KIR3DL1: variants seen among roughly 807,000 people sequenced by gnomAD.
KIR3DL1 encodes killer cell immunoglobulin like receptor, three Ig domains and long cytoplasmic tail 1, also known as killer cell immunoglobulin-like receptor 3DL1.
Under a neutral mutation model 40.3 loss-of-function variants are expected in KIR3DL1, and 50 were observed. The ratio of observed to expected loss-of-function variants is 1.24; its 90% confidence interval spans 0.99 to 1.57. The LOEUF (loss-of-function observed/expected upper bound fraction) is 1.57. Ranked by LOEUF, KIR3DL1 falls within the 40% of genes most tolerant of loss-of-function variation. The pLI, the probability that KIR3DL1 is intolerant of heterozygous loss-of-function variation, is 0.00. For missense variants in KIR3DL1, 661 were observed against 559.9 expected (o/e 1.18, Z -1.82); for synonymous variants, 257 against 207.2 (o/e 1.24, Z -2.07).
At chr19:54,829,113 G>A (rs1052920220) in intron 6 of KIR3DL1, among the ~76,000 whole-genome samples, 2 of 144,692 alleles carry the variant, frequency 1.4e-5, no homozygotes, top group Non-Finnish European at 3.0e-5. Flanking sequence ...CCACACTGGG[G>A]GTTAAATTTC....
intron 6 of KIR3DL1, among the ~76,000 whole-genome samples, chr19:54,826,666 T>C (rs1601410280): frequency 1.3e-5 from 2 of 148,294 alleles, no homozygotes; most frequent in South Asian, 4.4e-4. Flanking sequence ...TAATTTTGGG[T>C]GACAGAGAAG....
chr19:54,828,788 T>C (rs1178659793), intron 6 of KIR3DL1, among the ~76,000 whole-genome samples: 3 of 105,626 alleles, frequency 2.8e-5, no homozygotes, highest in Non-Finnish European at 4.4e-5. Context: ...AAAGAAGAGA[T>C]TGGTTTGCCT....
At chr19:54,825,149 G>A in intron 6 of KIR3DL1, 71 bp downstream of exon 6, 1 of 969,362 alleles carries the variant, frequency 1.0e-6, no homozygotes, top group South Asian at 1.3e-5. Context: ...TGCAAGTGTT[G>A]GCTCAAACCT....
At chr19:54,818,399 G>A (rs144994606) in exon 3 of KIR3DL1, 318,098 of 1,605,320 alleles carry the variant, frequency 0.2, 37,072 homozygotes, top group Non-Finnish European at 0.22. Flanking sequence ...TGTCACTATC[G>A]TCATAGGTTT....
At chr19:54,823,578 A>C (rs1187824158) in intron 5 of KIR3DL1, among the ~76,000 whole-genome samples, 1 of 151,040 alleles carries the variant, frequency 6.6e-6, no homozygotes, top group African/African-American at 2.4e-5. Context: ...GCTCACTGCA[A>C]CCTCCGCCTC....
At chr19:54,826,306 A>C (rs1182858984) in intron 6 of KIR3DL1, among the ~76,000 whole-genome samples, 1 of 150,128 alleles carries the variant, frequency 6.7e-6, no homozygotes, top group Non-Finnish European at 1.5e-5. Flanking sequence ...CATGAAATCT[A>C]TTTGTTTGTT....
At chr19:54,827,123 G>A (rs1360871187) in intron 6 of KIR3DL1, among the ~76,000 whole-genome samples, 10 of 151,526 alleles carry the variant, frequency 6.6e-5, no homozygotes, top group Non-Finnish European at 1.5e-4. Flanking sequence ...TATAAGCTAT[G>A]TTTGGGAGGT....
At position 54,818,302 on chromosome 19, in the gene KIR3DL1, CCTT is replaced by C. The variant is rs2061451222; in HGVS notation, c.71-10_71-8del. ...CATCCTCCTCTCTAAGGCAGTGCCT[CCTT>C]CTCCCCCAGGTGGTCAGGACAAACC... On this transcript the variant is annotated splice_polypyrimidine_tract_variant and intron_variant, in intron 2 of 8. Coordinates refer to ENST00000391728, the Ensembl canonical transcript of KIR3DL1. 1 of 1,593,886 alleles carries C rather than the reference CCTT, an allele frequency of 6.3e-7. No individual in the cohort carries two copies. Among genetic ancestry groups the C allele is most frequent in the Non-Finnish European group, 8.5e-7 (1 of 1,170,408 alleles).
At chr19:54,817,885 C>G (rs2061428869) in intron 2 of KIR3DL1, among the ~76,000 whole-genome samples, 1 of 147,312 alleles carries the variant, frequency 6.8e-6, no homozygotes, top group South Asian at 2.2e-4. Context: ...CTCACACCCT[C>G]CAGCGTTTCC....
At chr19:54,823,557 G>T (rs1363447173) in intron 5 of KIR3DL1, among the ~76,000 whole-genome samples, 2 of 151,274 alleles carry the variant, frequency 1.3e-5, no homozygotes, top group African/African-American at 2.4e-5. Flanking sequence ...GAGTGCAAGG[G>T]TGTGATCTCA....
chr19:54,818,336 T>G, exon 3 of KIR3DL1: 1 of 1,603,284 alleles, frequency 6.2e-7, no homozygotes, highest in Non-Finnish European at 8.5e-7. Flanking sequence ...AAACCCTTCC[T>G]GTCTGCCTGG....
chr19:54,819,668 A>G, intron 3 of KIR3DL1, 45 bp from the exon 4 acceptor site: 1 of 1,579,522 alleles, frequency 6.3e-7, no homozygotes, highest in Non-Finnish European at 8.6e-7. Context: ...CATGGATGGG[A>G]TGATAAAGAG....
chr19:54,818,587 A>T, exon 3 of KIR3DL1: 1 of 1,610,044 alleles, frequency 6.2e-7, no homozygotes, highest in Non-Finnish European at 8.5e-7. Context: ...CCCCGTGGTG[A>T]TCATGGTCAC....
At chr19:54,827,646 A>C (rs2061973093) in intron 6 of KIR3DL1, among the ~76,000 whole-genome samples, 1 of 150,516 alleles carries the variant, frequency 6.6e-6, no homozygotes, top group South Asian at 2.1e-4. Flanking sequence ...CATAAATATA[A>C]TAAAACACAC....
chr19:54,821,891 T>C (rs2061660624), intron 5 of KIR3DL1, 33 bp downstream of exon 5: 2 of 1,585,948 alleles, frequency 1.3e-6, no homozygotes, highest in African/African-American at 2.7e-5. Flanking sequence ...TCATGTCCTA[T>C]GATCCTAAAT....
chr19:54,822,025 C>T (rs1183146695), intron 5 of KIR3DL1, among the ~76,000 whole-genome samples, 167 bp downstream of exon 5: 13 of 151,176 alleles, frequency 8.6e-5, no homozygotes, highest in Admixed American at 2.0e-4. Flanking sequence ...CCAAACCCTC[C>T]TTCATGGCCT....
intron 7 of KIR3DL1, 21 bp downstream of exon 7, chr19:54,829,486 G>A (rs1216985487): frequency 1.4e-6 from 2 of 1,421,116 alleles, no homozygotes; most frequent in South Asian, 1.3e-5. Flanking sequence ...CGGGGCACAG[G>A]CCAGAGAGCT....
exon 3 of KIR3DL1, chr19:54,818,454 C>T (rs541015899): frequency 6.2e-7 from 1 of 1,608,324 alleles, no homozygotes; most frequent in East Asian, 2.2e-5. Flanking sequence ...ACATTCCCAT[C>T]TTCCATGGCA....
At chr19:54,818,721 T>A in intron 3 of KIR3DL1, 122 bp downstream of exon 3, 1 of 1,311,418 alleles carries the variant, frequency 7.6e-7, no homozygotes, top group East Asian at 2.3e-5. Context: ...CAAGGGAGAT[T>A]GAATACAGGG....
Sources: gnomAD v4.1 joint callset for allele counts (sites outside exome capture counted in the v4.1 genomes callset) on GRCh38, gnomAD v4.1.1 for gene constraint, MANE v1.5 for transcripts, NCBI Gene and HGNC (gene_info 2026-07-23, HGNC 2026-07-21) for gene names.